The following ZDHHC13 variants were observed in gnomAD, a reference collection of about 807,000 sequenced individuals.
ZDHHC13 encodes zDHHC palmitoyltransferase 13, also known as palmitoyltransferase ZDHHC13.
ZDHHC13 carries 85 observed loss-of-function variants against 86.0 expected under a neutral mutation model. The observed-to-expected ratio is 0.99, with a 90% CI of 0.83 to 1.18. The LOEUF is 1.18. Among genes scored for constraint, ZDHHC13 ranks in the 50% most tolerant of loss-of-function variants. The pLI, the probability that ZDHHC13 is intolerant of heterozygous loss-of-function variation, is 0.00. For synonymous variants in ZDHHC13, 263 were observed against 246.4 expected, an observed-to-expected ratio of 1.07 and a Z score of -0.63; for missense variants, 711 against 730.2, an observed-to-expected ratio of 0.97 and a Z score of 0.30.
At chr11:19,143,746 A>T (rs1411417504) in intron 2 of ZDHHC13, among the ~76,000 whole-genome samples, 1 of 152,158 alleles carries the variant, frequency 6.6e-6, no homozygotes, top group African/African-American at 2.4e-5. Flanking sequence ...ATATGTGGGT[A>T]TTTGCATTAA....
At chr11:19,164,781 G>C in intron 12 of ZDHHC13, 1 of 448,430 alleles carries the variant, frequency 2.2e-6, no homozygotes, top group Non-Finnish European at 4.0e-6. Flanking sequence ...TCCCTTGGTT[G>C]AGTGCTTATT....
chr11:19,155,681 T>A, intron 8 of ZDHHC13, 115 bp from the exon 9 acceptor site: 1 of 1,109,834 alleles, frequency 9.0e-7, no homozygotes. Context: ...TGTGTTAGCT[T>A]TGTTGTTGTA....
rs1850346010 is a variant in ZDHHC13 at position 19,175,756 on chromosome 11, A to G, written c.1731-66A>G. On this transcript the variant is annotated intron_variant, in intron 16 of 16. Transcript: ENST00000446113. Reference sequence around the variant, plus strand: ...GGACATTGCATATTATAGATTCTCCATAAATGTTTGTCAAGCTACACAGGA... The same window carrying G: ...GGACATTGCATATTATAGATTCTCCGTAAATGTTTGTCAAGCTACACAGGA... 5.1e-6 allele frequency: 8 copies of G among 1,573,422 alleles called. No homozygotes were observed. The African/African-American group carries it at 5.5e-5, about 11-fold the overall frequency.
At chr11:19,138,669 A>G (rs1424844783) in intron 1 of ZDHHC13, among the ~76,000 whole-genome samples, 13 of 149,908 alleles carry the variant, frequency 8.7e-5, no homozygotes, top group African/African-American at 2.7e-4. Flanking sequence ...CCTCAATAAA[A>G]TACTGGCAAA....
Position 19,139,282 on chromosome 11 carries a change from A to C in ZDHHC13, c.28-3696A>C, listed in dbSNP as rs1021507199. On this transcript the variant is annotated intron_variant, in intron 1 of 16. Transcript: ENST00000446113. ...TTATACACCAACAACAGACAAACAG[A>C]GAGCCAAATTATGAGTGAACTCCCA... 4.5e-3 allele frequency among the ~76,000 whole-genome samples: 687 copies of C among 151,696 alleles called. 6 individuals are homozygous for C. The highest frequency in any genetic ancestry group is 0.016 in the African/African-American group (646 of 40,960).
At chr11:19,118,267 CG>C (rs1446920888) in intron 1 of ZDHHC13, among the ~76,000 whole-genome samples, 1 of 152,194 alleles carries the variant, frequency 6.6e-6, no homozygotes, top group Non-Finnish European at 1.5e-5. Context: ...TCTCTAAAAA[CG>C]TTTTTCCAGT....
chr11:19,159,121 G>A (rs1849839100), intron 10 of ZDHHC13, 81 bp downstream of exon 10: 1 of 980,366 alleles, frequency 1.0e-6, no homozygotes, highest in South Asian at 1.7e-5. Context: ...TTTAGGTATT[G>A]GAAAAGGCCC....
At chr11:19,151,290 A>AT (rs1849600342) in intron 6 of ZDHHC13, among the ~76,000 whole-genome samples, 1 of 152,016 alleles carries the variant, frequency 6.6e-6, no homozygotes, top group Admixed American at 6.5e-5. Context: ...TTTTCTGTGT[A>AT]TTTATTTCTA....
At chr11:19,150,611 C>A in intron 5 of ZDHHC13, 116 bp from the exon 6 acceptor site, 2 of 801,174 alleles carry the variant, frequency 2.5e-6, no homozygotes, top group Admixed American at 2.3e-5. Flanking sequence ...GATATTTGAG[C>A]CCTTTATGTA....
chr11:19,169,782 C>T (rs1366394335), intron 14 of ZDHHC13: 1 of 985,500 alleles, frequency 1.0e-6, no homozygotes, highest in Non-Finnish European at 1.2e-6. Flanking sequence ...AATTGGCACA[C>T]CTGGGGAGAA....
At position 19,165,060 on chromosome 11, in the gene ZDHHC13, G is replaced by A; in HGVS notation, c.1305G>A (p.Lys435=). Residue 435 remains lysine (K), a synonymous_variant, in exon 13 of 17, where the codon AAG becomes AAA. Coordinates refer to ENST00000446113, the MANE Select transcript of ZDHHC13 (RefSeq NM_019028.3). ...RTFCTSCLIR[K]PLRSLHCHVC... Reference sequence around the variant, plus strand: ...CTTAATTGCCCACTTAGATAAGGAAGCCATTAAGGTCACTCCACTGCCATG... The same window carrying A: ...CTTAATTGCCCACTTAGATAAGGAAACCATTAAGGTCACTCCACTGCCATG... 6.2e-7 allele frequency: 1 copy of A among 1,612,302 alleles called. No homozygotes were observed. Among genetic ancestry groups the A allele is most frequent in the African/African-American group, 1.3e-5 (1 of 75,006 alleles).
intron 1 of ZDHHC13, among the ~76,000 whole-genome samples, chr11:19,136,114 C>T (rs1412530585): frequency 6.6e-6 from 1 of 152,156 alleles, no homozygotes. Context: ...TTCAGACGAT[C>T]AAATTACTCT....
intron 1 of ZDHHC13, among the ~76,000 whole-genome samples, chr11:19,134,626 A>G (rs1250434930): frequency 6.6e-6 from 1 of 150,690 alleles, no homozygotes; most frequent in Non-Finnish European, 1.5e-5. Flanking sequence ...CAAACACTGC[A>G]TGTTCTCACT....
chr11:19,172,036 T>G (rs1850234580), intron 15 of ZDHHC13, among the ~76,000 whole-genome samples: 1 of 152,202 alleles, frequency 6.6e-6, no homozygotes, highest in Non-Finnish European at 1.5e-5. Flanking sequence ...TTCATCTCTC[T>G]AATCCTCTGC....
At chr11:19,135,594 C>T (rs1449677985) in intron 1 of ZDHHC13, among the ~76,000 whole-genome samples, 2 of 152,230 alleles carry the variant, frequency 1.3e-5, no homozygotes, top group Non-Finnish European at 2.9e-5. Flanking sequence ...GCCTGCCTGC[C>T]TCTGTAGGCT....
intron 16 of ZDHHC13, among the ~76,000 whole-genome samples, 170 bp downstream of exon 16, chr11:19,172,990 C>T (rs867264628): frequency 4.6e-5 from 7 of 152,264 alleles, no homozygotes; most frequent in Non-Finnish European, 5.9e-5. Context: ...GTGGTAAAGT[C>T]GTGAGCCCCA....
chr11:19,142,863 T>G (rs1849359465), intron 1 of ZDHHC13, 115 bp from the exon 2 acceptor site: 1 of 1,206,818 alleles, frequency 8.3e-7, no homozygotes, highest in Non-Finnish European at 1.1e-6. Flanking sequence ...CTTCTAAAAC[T>G]CCAAAAAATG....
rs1404826901 is a variant in ZDHHC13, at chr11:19,152,699, G to T, written c.873+15G>T. 1 of 1,612,304 alleles carries T rather than the reference G, an allele frequency of 6.2e-7. No individual in the cohort carries two copies. Among genetic ancestry groups the T allele is most frequent in the South Asian group, 1.1e-5 (1 of 90,992 alleles). Reference sequence around the variant, plus strand: ...AGAAATGCGAGGTATTTTCATATGGGGTCTTTTCTATGGGATAGATGACTT... The same window carrying T: ...AGAAATGCGAGGTATTTTCATATGGTGTCTTTTCTATGGGATAGATGACTT... On this transcript the variant is annotated intron_variant, in intron 8 of 16. Transcript: ENST00000446113.
chr11:19,169,034 C>T (rs1850147388), intron 14 of ZDHHC13: 2 of 985,464 alleles, frequency 2.0e-6, no homozygotes, highest in South Asian at 9.4e-5. Context: ...TAAAGTGTTA[C>T]ATTGCATAAG....
Sources: allele counts gnomAD v4.1 joint callset (sites outside exome capture counted in the v4.1 genomes callset), GRCh38; gene constraint gnomAD v4.1.1; transcripts MANE v1.5; gene names NCBI Gene and HGNC (gene_info 2026-07-23, HGNC 2026-07-21).